Variants in CDC42BPA observed in about 807,000 individuals in gnomAD.
CDC42BPA encodes serine/threonine-protein kinase MRCK alpha.
In CDC42BPA, 80 loss-of-function variants were observed where a neutral mutation model predicts 223.5. That is an observed-to-expected ratio of 0.36 (90% confidence interval 0.30 to 0.43). CDC42BPA has a LOEUF of 0.43. CDC42BPA is among the 20% of genes least tolerant of loss of function. The pLI, the probability that CDC42BPA is intolerant of heterozygous loss-of-function variation, is 1.00. For missense variants in CDC42BPA, 1,743 were observed against 2,099.9 expected, an observed-to-expected ratio of 0.83 and a Z score of 3.32; for synonymous variants, 694 against 718.6, an observed-to-expected ratio of 0.97 and a Z score of 0.55.
intron 3 of CDC42BPA, among the ~76,000 whole-genome samples, chr1:227,205,355 G>A (rs1251385482): frequency 2.7e-5 from 4 of 146,466 alleles, no homozygotes. Flanking sequence ...TATTAACAAA[G>A]AATGAGATAT....
At chr1:227,067,843 A>G (rs1468316425) in intron 21 of CDC42BPA, among the ~76,000 whole-genome samples, 4 of 152,318 alleles carry the variant, frequency 2.6e-5, no homozygotes, top group African/African-American at 9.6e-5. Flanking sequence ...TTAAAAAACA[A>G]TTCTATGCAC....
intron 35 of CDC42BPA, among the ~76,000 whole-genome samples, chr1:226,998,390 A>G (rs1351216946): frequency 6.6e-6 from 1 of 152,228 alleles, no homozygotes; most frequent in African/African-American, 2.4e-5. Context: ...CCTGATTTCA[A>G]ACTATACTAC....
chr1:227,048,753 G>GAAAAAAAAAAA (rs34655609), intron 22 of CDC42BPA, among the ~76,000 whole-genome samples: 1 of 112,554 alleles, frequency 8.9e-6, no homozygotes, highest in Non-Finnish European at 1.8e-5. Context: ...AAAGTAGTGA[G>GAAAAAAAAAAA]AAAAAAAAAA....
intron 34 of CDC42BPA, 66 bp from the exon 35 acceptor site, chr1:227,005,177 T>A: frequency 1.0e-6 from 1 of 994,402 alleles, no homozygotes. Context: ...CAGAGATGTC[T>A]ATTTTTCACT....
At chr1:227,132,420 C>T (rs1657336902) in intron 10 of CDC42BPA, among the ~76,000 whole-genome samples, 1 of 150,172 alleles carries the variant, frequency 6.7e-6, no homozygotes, top group South Asian at 2.1e-4. Context: ...GACGGAGTCT[C>T]GTTCACTCAG....
chr1:227,043,243 T>C (rs1671749081), intron 23 of CDC42BPA, among the ~76,000 whole-genome samples: 1 of 151,936 alleles, frequency 6.6e-6, no homozygotes, highest in South Asian at 2.1e-4. Context: ...TGAAACCCCG[T>C]CTCTATTAAA....
At chr1:227,083,504 G>A (rs537752456) in intron 16 of CDC42BPA, among the ~76,000 whole-genome samples, 4 of 152,050 alleles carry the variant, frequency 2.6e-5, no homozygotes, top group South Asian at 4.1e-4. Flanking sequence ...GAACTCCTGC[G>A]GGTCTGTTTC....
intron 2 of CDC42BPA, among the ~76,000 whole-genome samples, chr1:227,253,607 A>ATACATAC (rs1682509912): frequency 1.1e-4 from 13 of 116,546 alleles, no homozygotes; most frequent in African/African-American, 4.0e-4. Context: ...AAAATAAATA[A>ATACATAC]ATACATACAT....
chr1:227,064,567 G>C (rs987617068), intron 21 of CDC42BPA, among the ~76,000 whole-genome samples: 1 of 152,098 alleles, frequency 6.6e-6, no homozygotes, highest in African/African-American at 2.4e-5. Flanking sequence ...AAGCAGCTGA[G>C]CTCCATTTGC....
intron 1 of CDC42BPA, among the ~76,000 whole-genome samples, chr1:227,276,268 C>G (rs1408499673): frequency 4.9e-5 from 7 of 143,640 alleles, no homozygotes; most frequent in Non-Finnish European, 1.1e-4. Flanking sequence ...CGTCTGGGAT[C>G]TGAGGAGCGT....
intron 16 of CDC42BPA, among the ~76,000 whole-genome samples, chr1:227,082,343 G>C (rs902732890): frequency 1.4e-4 from 22 of 152,002 alleles, no homozygotes; most frequent in Non-Finnish European, 7.4e-5. Context: ...CAGCATGCCT[G>C]GCCCGATACA....
intron 16 of CDC42BPA, among the ~76,000 whole-genome samples, chr1:227,083,683 T>C (rs16847035): frequency 0.15 from 23,471 of 152,132 alleles, 2,191 homozygotes; most frequent in African/African-American, 0.25. Context: ...CTCTGGATAA[T>C]ATCTTCCTCC....
intron 1 of CDC42BPA, among the ~76,000 whole-genome samples, chr1:227,265,867 A>G (rs191016336): frequency 2.4e-4 from 37 of 152,342 alleles, no homozygotes; most frequent in African/African-American, 7.7e-4. Flanking sequence ...TCTAACACTT[A>G]TAAGCATTCA....
chr1:227,137,464 A>T (rs1460741037), intron 10 of CDC42BPA, among the ~76,000 whole-genome samples: 3 of 152,076 alleles, frequency 2.0e-5, no homozygotes, highest in Non-Finnish European at 2.9e-5. Context: ...ATATCTTCTA[A>T]AGCTGAAAAT....
intron 24 of CDC42BPA, among the ~76,000 whole-genome samples, chr1:227,038,419 T>C (rs1670738857): frequency 6.6e-6 from 1 of 152,188 alleles, no homozygotes; most frequent in South Asian, 2.1e-4. Flanking sequence ...AGTTTACAAA[T>C]GGATAACTCA....
At chr1:227,251,803 C>T (rs538563276) in intron 2 of CDC42BPA, among the ~76,000 whole-genome samples, 1 of 152,184 alleles carries the variant, frequency 6.6e-6, no homozygotes, top group Non-Finnish European at 1.5e-5. Flanking sequence ...CTGATATTTA[C>T]AGAACACTGC....
intron 15 of CDC42BPA, among the ~76,000 whole-genome samples, chr1:227,094,462 G>C (rs1683625426): frequency 6.6e-6 from 1 of 152,150 alleles, no homozygotes; most frequent in Non-Finnish European, 1.5e-5. Flanking sequence ...AAACAACTTT[G>C]TATCAGCCCA....
intron 5 of CDC42BPA, 59 bp downstream of exon 5, chr1:227,193,727 C>A: frequency 2.3e-6 from 3 of 1,293,356 alleles, no homozygotes; most frequent in Non-Finnish European, 1.0e-6. Context: ...AGAAATAGGC[C>A]TCTGTTGCTA....
intron 6 of CDC42BPA, among the ~76,000 whole-genome samples, chr1:227,159,227 C>T (rs938349919): frequency 1.3e-5 from 2 of 152,182 alleles, no homozygotes; most frequent in African/African-American, 2.4e-5. Context: ...TGGCTCACGC[C>T]TGTAATCCCA....
Sources: allele counts gnomAD v4.1 joint callset (sites outside exome capture counted in the v4.1 genomes callset), GRCh38; gene constraint gnomAD v4.1.1; transcripts MANE v1.5; gene names NCBI Gene and HGNC (gene_info 2026-07-23, HGNC 2026-07-21).